The following TTC29 variants were observed in gnomAD, a reference collection of about 807,000 sequenced individuals.
The protein encoded by TTC29 is tetratricopeptide repeat domain 29, also known as tetratricopeptide repeat protein 29.
TTC29 carries 49 observed loss-of-function variants against 58.1 expected under a neutral mutation model. The ratio of observed to expected loss-of-function variants is 0.84; its 90% CI spans 0.67 to 1.07. The LOEUF is 1.07. Ranked by LOEUF, TTC29 falls within the 50% of genes least tolerant of loss-of-function variation. The pLI, the probability that TTC29 is intolerant of heterozygous loss-of-function variation, is 0.00. For synonymous variants in TTC29, 209 were observed against 196.8 expected (o/e 1.06, Z -0.52); for missense variants, 582 against 555.6 (o/e 1.05, Z -0.48).
At chr4:146,836,279 A>T (rs1193052242) in intron 8 of TTC29, among the ~76,000 whole-genome samples, 1 of 152,058 alleles carries the variant, frequency 6.6e-6, no homozygotes, top group Non-Finnish European at 1.5e-5. Context: ...GGTTTGAGAG[A>T]GTGTGGGTAT....
intron 6 of TTC29, among the ~76,000 whole-genome samples, chr4:146,876,618 TA>T (rs1196533685): frequency 6.6e-6 from 1 of 152,142 alleles, no homozygotes; most frequent in Non-Finnish European, 1.5e-5. Context: ...TGGTGGTGGA[TA>T]ATCAGTAAAC....
At chr4:146,931,125 A>G (rs1172972373) in intron 4 of TTC29, among the ~76,000 whole-genome samples, 1 of 152,114 alleles carries the variant, frequency 6.6e-6, no homozygotes, top group Non-Finnish European at 1.5e-5. Flanking sequence ...AGAGGACTGC[A>G]TGAAGCCAGG....
intron 6 of TTC29, among the ~76,000 whole-genome samples, chr4:146,896,097 T>A (rs1732752192): frequency 6.6e-6 from 1 of 152,222 alleles, no homozygotes; most frequent in Non-Finnish European, 1.5e-5. Flanking sequence ...TATGTTTAAT[T>A]GATTTAATTG....
chr4:146,709,128 A>G (rs538866932), intron 11 of TTC29, among the ~76,000 whole-genome samples: 23 of 152,260 alleles, frequency 1.5e-4, no homozygotes, highest in African/African-American at 5.5e-4. Flanking sequence ...TAGTAATTTC[A>G]ATGTAAAGGT....
At chr4:146,865,462 A>G (rs1488263521) in intron 8 of TTC29, among the ~76,000 whole-genome samples, 1 of 152,162 alleles carries the variant, frequency 6.6e-6, no homozygotes, top group East Asian at 1.9e-4. Flanking sequence ...CTCACTTACA[A>G]GTGGGAGCTA....
rs938013958 is a variant in TTC29 at position 146,803,816 on chromosome 4, A to G, written c.1102-131T>C. 3 of 640,374 alleles carry G rather than the reference A, an allele frequency of 4.7e-6. No individual in the cohort carries two copies. In the South Asian group the frequency reaches 7.1e-5, roughly 15 times the overall value. The allele number at this position is 640,374 out of a possible 1,614,324, so 39.7% of individuals were successfully genotyped here. On this transcript the variant is annotated intron_variant, in intron 10 of 12. Transcript: ENST00000325106. ...CAGCAGTTCATCTTCAAGAAGAAAC[A>G]GATGGCAAGCAGGCTATTAGGATAA...
chr4:146,815,928 A>G (rs1333319416), intron 10 of TTC29, among the ~76,000 whole-genome samples: 1 of 152,220 alleles, frequency 6.6e-6, no homozygotes, highest in Non-Finnish European at 1.5e-5. Flanking sequence ...ATATTTTCCT[A>G]ATAACAGAAA....
At position 146,809,280 on chromosome 4, in the gene TTC29, A is replaced by C. The variant is rs1268599017; in HGVS notation, c.1102-5595T>G. Reference sequence around the variant, plus strand: ...TAAACGTAAGACCTAAAACCATAAAAACCCCAGAAGAAAACCTAGGCAATA... The same window carrying C: ...TAAACGTAAGACCTAAAACCATAAACACCCCAGAAGAAAACCTAGGCAATA... On this transcript the variant is annotated intron_variant, in intron 10 of 12. Transcript: ENST00000325106. 3.3e-5 allele frequency among the ~76,000 whole-genome samples: 5 copies of C among 150,248 alleles called. 1 individual carries two copies. The highest frequency in any genetic ancestry group is 5.9e-5 in the Non-Finnish European group (4 of 67,738).
At chr4:146,707,400 T>C in intron 12 of TTC29, 85 bp downstream of exon 12, 1 of 1,022,804 alleles carries the variant, frequency 9.8e-7, no homozygotes. Flanking sequence ...GAAGCTCCTC[T>C]TTTTGTGTTT....
intron 11 of TTC29, among the ~76,000 whole-genome samples, chr4:146,763,308 G>C (rs954316594): frequency 6.6e-6 from 1 of 151,900 alleles, no homozygotes; most frequent in Non-Finnish European, 1.5e-5. Flanking sequence ...TTGGAGTTTT[G>C]AATGAAGAAT....
chr4:146,782,505 G>A lies in TTC29; in HGVS notation c.1330+20952C>T, dbSNP rs1293004702. On this transcript the variant is annotated intron_variant, in intron 11 of 12. Coordinates refer to ENST00000325106, the MANE Select transcript of TTC29 (RefSeq NM_031956.4). ...TGTTTATCTTGTAGCAAGTTTTCTG[G>A]CATTACTCTGTTGGAGAAACTTACA... 2.0e-5 allele frequency among the ~76,000 whole-genome samples: 3 copies of A among 151,808 alleles called. No individual in the cohort carries two copies. The East Asian group carries it at 5.8e-4, about 29-fold the overall frequency.
Position 146,867,541 on chromosome 4 carries a change from C to T in TTC29, c.842G>A (p.Gly281Asp). Reference sequence around the variant, plus strand: ...TTCCTCAGCAGCTAAGTGTGCTAAGCCCAAGTAGTAAGAGGCTTCCGCTTC... The same window carrying T: ...TTCCTCAGCAGCTAAGTGTGCTAAGTCCAAGTAGTAAGAGGCTTCCGCTTC... ...KMEAEASYYL[G>D]LAHLAAEEYE... Residue 281 changes from glycine (G) to aspartate (D), a missense_variant, in exon 8 of 13, where the codon GGC (glycine) becomes GAC (aspartate). Gly to Asp is a moderately conservative substitution (Grantham distance 94). Coordinates refer to ENST00000325106, the MANE Select transcript of TTC29 (RefSeq NM_031956.4). 6.4e-7 allele frequency: 1 copy of T among 1,556,354 alleles called. No individual in the cohort carries two copies. The highest frequency in any genetic ancestry group is 8.7e-7 in the Non-Finnish European group (1 of 1,149,752).
chr4:146,804,034 C>T (rs1397990736), intron 10 of TTC29, among the ~76,000 whole-genome samples: 2 of 152,150 alleles, frequency 1.3e-5, no homozygotes. Context: ...TCTGCATTTC[C>T]AACTGAGGTA....
intron 4 of TTC29, among the ~76,000 whole-genome samples, chr4:146,912,745 A>C (rs913061222): frequency 2.6e-5 from 4 of 152,162 alleles, no homozygotes; most frequent in African/African-American, 9.7e-5. Context: ...AACCGGGAGC[A>C]GGAAGAACAG....
At chr4:146,849,479 A>G (rs757148154) in intron 8 of TTC29, among the ~76,000 whole-genome samples, 28 of 152,124 alleles carry the variant, frequency 1.8e-4, no homozygotes, top group South Asian at 8.3e-4. Context: ...CTCCACTCAC[A>G]TACAGGGACA....
intron 11 of TTC29, among the ~76,000 whole-genome samples, chr4:146,740,526 GCCCACCACTCT>G (rs1745049548): frequency 6.6e-6 from 1 of 151,730 alleles, no homozygotes; most frequent in Non-Finnish European, 1.5e-5. Context: ...TGTATGTTTT[GCCCACCACTCT>G]CCTAGCACCT....
At chr4:146,763,968 AG>A (rs78138941) in intron 11 of TTC29, 10,516 of 152,116 alleles carry the variant, frequency 0.069, 457 homozygotes, top group Admixed American at 0.13. Flanking sequence ...CTTAAGGCAG[AG>A]GGGGGGACAA....
At chr4:146,721,163 A>G (rs1370745490) in intron 11 of TTC29, among the ~76,000 whole-genome samples, 1 of 152,130 alleles carries the variant, frequency 6.6e-6, no homozygotes, top group East Asian at 1.9e-4. Flanking sequence ...ACTTTAAAGG[A>G]ATAAAGTTAA....
chr4:146,828,589 G>A (rs1047379014), intron 9 of TTC29, among the ~76,000 whole-genome samples: 2 of 151,858 alleles, frequency 1.3e-5, no homozygotes, highest in Non-Finnish European at 2.9e-5. Context: ...AATTAGATTT[G>A]GCCTGCTGAG....
Sources: gnomAD v4.1 joint callset for allele counts (sites outside exome capture counted in the v4.1 genomes callset) on GRCh38, gnomAD v4.1.1 for gene constraint, MANE v1.5 for transcripts, NCBI Gene and HGNC (gene_info 2026-07-23, HGNC 2026-07-21) for gene names.